Variants in GRIK2 observed in about 807,000 individuals in gnomAD.
GRIK2 encodes glutamate receptor ionotropic, kainate 2.
Under a neutral mutation model 100.3 loss-of-function variants are expected in GRIK2, and 32 were observed. The ratio of observed to expected loss-of-function variants is 0.32; its 90% CI spans 0.24 to 0.43. GRIK2 has a LOEUF of 0.43. GRIK2 is among the 20% of genes least tolerant of loss of function. The pLI, the probability that GRIK2 is intolerant of heterozygous loss-of-function variation, is 1.00. For missense variants in GRIK2, 843 were observed against 1,114.9 expected (o/e 0.76, Z 3.47); for synonymous variants, 417 against 389.4 (o/e 1.07, Z -0.83).
chr6:101,653,367 C>G (rs1487520709), intron 4 of GRIK2, among the ~76,000 whole-genome samples: 1 of 151,906 alleles, frequency 6.6e-6, no homozygotes, highest in Admixed American at 6.6e-5. Context: ...TATAATGGCC[C>G]AGCCTCTGCT....
At chr6:101,589,506 A>G (rs1199729851) in intron 2 of GRIK2, among the ~76,000 whole-genome samples, 1 of 152,080 alleles carries the variant, frequency 6.6e-6, no homozygotes, top group Admixed American at 6.6e-5. Flanking sequence ...TTCTACATCT[A>G]TGAGATCAAC....
At chr6:101,598,182 T>C (rs886185092) in intron 2 of GRIK2, among the ~76,000 whole-genome samples, 2 of 151,740 alleles carry the variant, frequency 1.3e-5, no homozygotes, top group African/African-American at 4.8e-5. Flanking sequence ...TATTCTCTCT[T>C]GCTTGTATAT....
At chr6:101,399,670 G>C (rs1775173991) in intron 2 of GRIK2, among the ~76,000 whole-genome samples, 1 of 152,164 alleles carries the variant, frequency 6.6e-6, no homozygotes, top group Non-Finnish European at 1.5e-5. Flanking sequence ...GATGACGATG[G>C]AGGCACGGTC....
chr6:101,489,756 T>A (rs1773009461), intron 2 of GRIK2, among the ~76,000 whole-genome samples: 1 of 146,414 alleles, frequency 6.8e-6, no homozygotes, highest in Non-Finnish European at 1.5e-5. Context: ...CCAGCAATAC[T>A]TCTCTGACAA....
At chr6:101,463,010 T>G (rs1037351466) in intron 2 of GRIK2, among the ~76,000 whole-genome samples, 4 of 152,230 alleles carry the variant, frequency 2.6e-5, no homozygotes, top group Non-Finnish European at 5.9e-5. Flanking sequence ...ATATATATTT[T>G]TATTGATGCA....
intron 2 of GRIK2, among the ~76,000 whole-genome samples, chr6:101,420,838 C>T (rs1200077955): frequency 6.6e-6 from 1 of 152,050 alleles, no homozygotes; most frequent in African/African-American, 2.4e-5. Flanking sequence ...ATTAGAGTTT[C>T]TAGGTCTCTA....
At chr6:101,765,861 T>C (rs1394369515) in intron 7 of GRIK2, among the ~76,000 whole-genome samples, 1 of 152,152 alleles carries the variant, frequency 6.6e-6, no homozygotes, top group East Asian at 1.9e-4. Context: ...GATAGCAAAT[T>C]TGGATTTTCT....
chr6:101,905,471 GTTGT>G (rs992661540), intron 12 of GRIK2, among the ~76,000 whole-genome samples: 18 of 151,488 alleles, frequency 1.2e-4, no homozygotes, highest in Non-Finnish European at 2.1e-4. Context: ...TTGACCAAGT[GTTGT>G]TTGTTTCTTA....
intron 2 of GRIK2, among the ~76,000 whole-genome samples, chr6:101,562,078 T>G (rs1434045638): frequency 6.6e-6 from 1 of 152,178 alleles, no homozygotes; most frequent in African/African-American, 2.4e-5. Context: ...TGGCAAAGCT[T>G]TATGCCTGTC....
chr6:101,739,295 G>A (rs1345106589), intron 7 of GRIK2, among the ~76,000 whole-genome samples: 1 of 152,176 alleles, frequency 6.6e-6, no homozygotes, highest in Non-Finnish European at 1.5e-5. Flanking sequence ...TGGGTGATTG[G>A]AGGGTATATT....
At chr6:101,487,237 T>C (rs1383983245) in intron 2 of GRIK2, among the ~76,000 whole-genome samples, 1 of 146,688 alleles carries the variant, frequency 6.8e-6, no homozygotes, top group Non-Finnish European at 1.5e-5. Flanking sequence ...GAGATTACAA[T>C]ATCCCAGGCT....
chr6:101,904,456 C>T (rs761692111), intron 12 of GRIK2, among the ~76,000 whole-genome samples: 1 of 151,364 alleles, frequency 6.6e-6, no homozygotes, highest in Non-Finnish European at 1.5e-5. Flanking sequence ...TGTAAATTTA[C>T]ATTTAGTTAT....
intron 2 of GRIK2, among the ~76,000 whole-genome samples, chr6:101,438,541 CA>C (rs1458496439): frequency 1.3e-5 from 2 of 152,058 alleles, no homozygotes; most frequent in African/African-American, 2.4e-5. Context: ...CTTTCCAATA[CA>C]GAGTCCTTTA....
intron 7 of GRIK2, among the ~76,000 whole-genome samples, chr6:101,794,678 GCTT>G (rs147502082): frequency 0.025 from 3,811 of 151,204 alleles, 161 homozygotes; most frequent in African/African-American, 0.087. Flanking sequence ...GTCTCATTGA[GCTT>G]CTTTGCTATA....
chr6:101,929,528 C>A (rs1790126679), intron 14 of GRIK2, among the ~76,000 whole-genome samples: 2 of 151,970 alleles, frequency 1.3e-5, no homozygotes, highest in African/African-American at 4.8e-5. Context: ...TTTCATGAAG[C>A]ATTCATCAGG....
chr6:101,543,157 TC>T (rs1776086100), intron 2 of GRIK2, among the ~76,000 whole-genome samples: 3 of 152,158 alleles, frequency 2.0e-5, no homozygotes. Flanking sequence ...CTGGAATAGA[TC>T]AATTTTGTAA....
chr6:101,719,160 T>G (rs1774288114), intron 7 of GRIK2, among the ~76,000 whole-genome samples: 2 of 35,254 alleles, frequency 5.7e-5, no homozygotes, highest in South Asian at 1.1e-3. Context: ...TTTTTTTTTT[T>G]TTTTTTTTTT....
chr6:101,912,913 C>A (rs1319419626), intron 12 of GRIK2, among the ~76,000 whole-genome samples: 2 of 126,826 alleles, frequency 1.6e-5, no homozygotes, highest in East Asian at 1.9e-4. Context: ...TTTAAAAATT[C>A]TTTATCTTTA....
chr6:101,817,176 C>T (rs1245210751), intron 9 of GRIK2, among the ~76,000 whole-genome samples: 1 of 152,092 alleles, frequency 6.6e-6, no homozygotes, highest in Non-Finnish European at 1.5e-5. Flanking sequence ...AATTACTTGA[C>T]TTTTTCCTTC....
Sources: allele counts gnomAD v4.1 joint callset (sites outside exome capture counted in the v4.1 genomes callset), GRCh38; gene constraint gnomAD v4.1.1; transcripts MANE v1.5; gene names NCBI Gene and HGNC (gene_info 2026-07-23, HGNC 2026-07-21).